Variants in SDC4 observed in about 807,000 individuals in gnomAD.
The protein encoded by SDC4 is syndecan 4.
In SDC4, 17 loss-of-function variants were observed where a neutral mutation model predicts 20.5. The ratio of observed to expected loss-of-function variants is 0.83; its 90% CI spans 0.57 to 1.25. The LOEUF is 1.25. SDC4 is among the 50% of genes most tolerant of loss of function. The pLI, the probability that SDC4 is intolerant of heterozygous loss-of-function variation, is 0.00. For synonymous variants in SDC4, 107 were observed against 105.3 expected (o/e 1.02, Z -0.10); for missense variants, 241 against 252.3 (o/e 0.96, Z 0.30).
intron 2 of SDC4, among the ~76,000 whole-genome samples, chr20:45,333,466 C>G (rs540014499): frequency 2.0e-5 from 3 of 152,164 alleles, no homozygotes; most frequent in Non-Finnish European, 4.4e-5. Flanking sequence ...GTCAGGAGAT[C>G]GAGACCAGCC....
rs6032121 is a variant in SDC4, at chr20:45,335,758, G to A, written c.199+24C>T. The stretch of plus-strand genomic sequence containing the variant: ...CCACTCCCTCCAGCTTTGTGCCTAC[G>A]CCTGCCCAGCACACCTTCCGTACCC... On this transcript the variant is annotated intron_variant, in intron 2 of 4. Coordinates refer to ENST00000372733, the MANE Select transcript of SDC4 (RefSeq NM_002999.4). The A allele has an allele frequency of 5.6e-5, 91 of 1,611,276 alleles. 1 individual carries two copies. In the African/African-American group the frequency reaches 8.7e-4, roughly 15 times the overall value.
chr20:45,335,739 C>T (rs778689057), intron 2 of SDC4, 43 bp downstream of exon 2: 3 of 1,593,210 alleles, frequency 1.9e-6, no homozygotes, highest in African/African-American at 1.3e-5. Context: ...GCCACCACTC[C>T]CTCCAGCTTT....
chr20:45,335,219 C>T (rs1225731050), intron 2 of SDC4, among the ~76,000 whole-genome samples: 1 of 151,576 alleles, frequency 6.6e-6, no homozygotes, highest in African/African-American at 2.4e-5. Context: ...ACTCTGTCAC[C>T]CAGGCTGGAG....
chr20:45,329,676 C>CT (rs1287429007), intron 4 of SDC4, among the ~76,000 whole-genome samples: 4 of 152,224 alleles, frequency 2.6e-5, no homozygotes, highest in African/African-American at 9.6e-5. Context: ...AGGGTGCCCA[C>CT]TTGCCAGGCC....
At position 45,327,220 on chromosome 20, in the gene SDC4, C is replaced by A. The variant is rs747149707; in HGVS notation, c.*44G>T. On this transcript the variant is annotated 3_prime_UTR_variant, in exon 5 of 5. Transcript: ENST00000372733. ...ATGTCCACCCTTCAAAATCCCCTGG[C>A]TTCCCTCCCCGCTAAAGTCCAAGCC... 13 of 1,610,236 alleles carry A rather than the reference C, an allele frequency of 8.1e-6. No individual in the cohort carries two copies. In the South Asian group the frequency reaches 1.4e-4, roughly 18 times the overall value.
At chr20:45,347,529 C>A (rs547594976) in intron 1 of SDC4, among the ~76,000 whole-genome samples, 2 of 152,298 alleles carry the variant, frequency 1.3e-5, no homozygotes, top group South Asian at 2.1e-4. Context: ...TTCTCTCCCC[C>A]CTACCCCCTT....
intron 1 of SDC4, among the ~76,000 whole-genome samples, chr20:45,346,677 G>C (rs1988036770): frequency 6.6e-6 from 1 of 152,226 alleles, no homozygotes; most frequent in Non-Finnish European, 1.5e-5. Flanking sequence ...CTAGTTTAGA[G>C]CACTGTGCTA....
At position 45,330,551 on chromosome 20, in the gene SDC4, TTA is replaced by T. The variant is rs1987762539; in HGVS notation, c.258_259del (p.Asp86GlufsTer5). 6.2e-7 allele frequency: 1 copy of T among 1,613,890 alleles called. No individual in the cohort carries two copies. Among genetic ancestry groups the T allele is most frequent in the African/African-American group, 1.3e-5 (1 of 74,868 alleles). ...AGACCCTGCCCTCTCAGGGATATGG[TTA>T]TCTAGAGGCACCTGGATGGGCGGAA... On this transcript the variant is annotated frameshift_variant, in exon 4 of 5. Coordinates refer to ENST00000372733, the MANE Select transcript of SDC4 (RefSeq NM_002999.4). LOFTEE classifies it high-confidence loss of function.
intron 1 of SDC4, among the ~76,000 whole-genome samples, chr20:45,343,174 G>A (rs759687686): frequency 5.3e-5 from 8 of 152,144 alleles, no homozygotes; most frequent in Non-Finnish European, 1.0e-4. Context: ...GTTAGTTAAT[G>A]ACAAACAAGC....
At chr20:45,344,250 C>T (rs940834783) in intron 1 of SDC4, among the ~76,000 whole-genome samples, 5 of 152,258 alleles carry the variant, frequency 3.3e-5, no homozygotes, top group Admixed American at 3.3e-4. Context: ...AGGCAAGGGG[C>T]TGTGAAAGTG....
intron 1 of SDC4, among the ~76,000 whole-genome samples, chr20:45,344,303 C>G (rs528656645): frequency 6.6e-6 from 1 of 152,104 alleles, no homozygotes; most frequent in South Asian, 2.1e-4. Flanking sequence ...CCTCGAGCCC[C>G]GGACACTGAA....
intron 4 of SDC4, 134 bp from the exon 5 acceptor site, chr20:45,327,549 G>A: frequency 1.9e-6 from 2 of 1,032,236 alleles, no homozygotes; most frequent in Non-Finnish European, 2.7e-6. Context: ...TGCCAGGCAA[G>A]CTGATGCCTT....
At chr20:45,343,620 T>G (rs1360554275) in intron 1 of SDC4, among the ~76,000 whole-genome samples, 1 of 152,090 alleles carries the variant, frequency 6.6e-6, no homozygotes, top group Non-Finnish European at 1.5e-5. Context: ...AAATAGGAGA[T>G]TTGGACTCCA....
intron 1 of SDC4, 86 bp downstream of exon 1, chr20:45,348,239 C>CCCG: frequency 1.7e-6 from 2 of 1,167,470 alleles, no homozygotes; most frequent in South Asian, 2.6e-5. Flanking sequence ...CGATCTGCCC[C>CCCG]CCCCCATCCC....
chr20:45,344,483 T>C (rs1280265508), intron 1 of SDC4, among the ~76,000 whole-genome samples: 1 of 152,122 alleles, frequency 6.6e-6, no homozygotes, highest in Non-Finnish European at 1.5e-5. Flanking sequence ...ATTTTAAGCA[T>C]TCATTTGGAA....
chr20:45,336,024 A>C, intron 1 of SDC4, 104 bp from the exon 2 acceptor site: 1 of 1,323,786 alleles, frequency 7.6e-7, no homozygotes, highest in Middle Eastern at 2.0e-4. Context: ...GAAAGAGACC[A>C]GGCCAGGGCC....
At chr20:45,332,572 A>T (rs535433014) in intron 3 of SDC4, among the ~76,000 whole-genome samples, 45 of 152,170 alleles carry the variant, frequency 3.0e-4, no homozygotes, top group African/African-American at 1.1e-3. Flanking sequence ...GCAACCTACA[A>T]AATGAGCCTG....
intron 3 of SDC4, among the ~76,000 whole-genome samples, chr20:45,332,647 T>A (rs964994413): frequency 1.3e-5 from 2 of 152,050 alleles, no homozygotes; most frequent in African/African-American, 4.8e-5. Flanking sequence ...CAGGCTGGAG[T>A]GCACTGGCAC....
chr20:45,346,078 C>A (rs1214456792), intron 1 of SDC4, among the ~76,000 whole-genome samples: 1 of 152,120 alleles, frequency 6.6e-6, no homozygotes, highest in Non-Finnish European at 1.5e-5. Flanking sequence ...TTTGTGAGGA[C>A]AAAATGCACC....
Sources: allele counts gnomAD v4.1 joint callset (sites outside exome capture counted in the v4.1 genomes callset), GRCh38; gene constraint gnomAD v4.1.1; transcripts MANE v1.5; gene names NCBI Gene and HGNC (gene_info 2026-07-23, HGNC 2026-07-21).